JARID2: variants seen among roughly 807,000 people sequenced by gnomAD.
The protein encoded by JARID2 is protein Jumonji.
A neutral mutation model predicts 125.6 loss-of-function variants in JARID2; 21 were observed. That is an observed-to-expected ratio of 0.17 (90% CI 0.12 to 0.24). JARID2 has a LOEUF of 0.24. Ranked by LOEUF, JARID2 falls within the 10% of genes least tolerant of loss-of-function variation. The pLI is 1.00. For missense variants in JARID2, 1,303 were observed against 1,639.6 expected, an observed-to-expected ratio of 0.79 and a Z score of 3.55; for synonymous variants, 736 against 661.6, an observed-to-expected ratio of 1.11 and a Z score of -1.73.
intron 1 of JARID2, among the ~76,000 whole-genome samples, chr6:15,358,849 T>C (rs948850336): frequency 2.0e-5 from 3 of 152,206 alleles, no homozygotes; most frequent in African/African-American, 7.2e-5. Context: ...GGAGGCTGAT[T>C]TGGGAGATGG....
chr6:15,290,084 AC>A (rs1761150364), intron 1 of JARID2, among the ~76,000 whole-genome samples: 1 of 152,144 alleles, frequency 6.6e-6, no homozygotes, highest in Non-Finnish European at 1.5e-5. Context: ...TGTAATCACC[AC>A]CCAATTGAAA....
chr6:15,402,255 G>A lies in JARID2; in HGVS notation c.182-7969G>A, dbSNP rs1416954654. Among the ~76,000 whole-genome samples, 3 of 152,206 alleles carry A rather than the reference G, an allele frequency of 2.0e-5. No individual in the cohort carries two copies. The East Asian group carries it at 5.8e-4, about 29-fold the overall frequency. On this transcript the variant is annotated intron_variant, in intron 2 of 17. Transcript: ENST00000341776. ...TAACTTTATGGCACTTGTCGATCGA[G>A]TTAAAGCAGCAGCTTTGCTTATCTT... is the stretch of plus-strand genomic sequence containing the variant.
chr6:15,450,883 C>G (rs1767892318), intron 3 of JARID2, among the ~76,000 whole-genome samples: 1 of 152,006 alleles, frequency 6.6e-6, no homozygotes, highest in South Asian at 2.1e-4. Flanking sequence ...TGTGGTGGCT[C>G]ACGCCTGTAA....
chr6:15,250,578 T>C (rs1460219180), intron 1 of JARID2, among the ~76,000 whole-genome samples: 1 of 152,206 alleles, frequency 6.6e-6, no homozygotes, highest in Non-Finnish European at 1.5e-5. Context: ...AAGTCCAAAG[T>C]GTCACTAAAA....
intron 3 of JARID2, among the ~76,000 whole-genome samples, chr6:15,422,334 T>G: frequency 6.6e-6 from 1 of 152,226 alleles, no homozygotes; most frequent in Non-Finnish European, 1.5e-5. Context: ...CTTGTGCATA[T>G]TCACCTTTCC....
intron 1 of JARID2, among the ~76,000 whole-genome samples, chr6:15,359,873 G>A (rs1390481078): frequency 2.0e-5 from 3 of 152,130 alleles, no homozygotes; most frequent in Non-Finnish European, 2.9e-5. Flanking sequence ...TCTTAGTAGA[G>A]ATGGCATTTC....
intron 1 of JARID2, among the ~76,000 whole-genome samples, chr6:15,364,651 A>G (rs755388671): frequency 1.3e-5 from 2 of 152,166 alleles, no homozygotes; most frequent in Non-Finnish European, 2.9e-5. Context: ...TATCTCCCAC[A>G]GTTTTCTTGG....
chr6:15,377,157 G>A (rs1764386537), intron 2 of JARID2, among the ~76,000 whole-genome samples: 1 of 152,120 alleles, frequency 6.6e-6, no homozygotes, highest in Non-Finnish European at 1.5e-5. Flanking sequence ...GTATTAGTTT[G>A]TTTTCATACT....
chr6:15,496,595 C>G lies in JARID2; in HGVS notation c.1370C>G (p.Pro457Arg), dbSNP rs752867259. Residue 457 changes from proline to arginine, a missense_variant, in exon 7 of 18, where the codon CCC (proline) becomes CGC (arginine). Physicochemically the swap from Pro to Arg is moderately radical, Grantham distance 103. Coordinates refer to ENST00000341776, the MANE Select transcript of JARID2 (RefSeq NM_004973.4). Reference protein sequence around the residue: ...AHQAEKPQSPPKKMKGAAGPA... With the variant: ...AHQAEKPQSPRKKMKGAAGPA... ...CAGGCGGAGAAGCCGCAGTCGCCCCCCAAGAAGATGAAAGGGGCGGCTGGC... is the reference window on the plus strand; with the variant it reads ...CAGGCGGAGAAGCCGCAGTCGCCCCGCAAGAAGATGAAAGGGGCGGCTGGC... The G allele has an allele frequency of 1.1e-5, 18 of 1,603,044 alleles. 1 individual carries two copies. The highest frequency in any genetic ancestry group is 1.1e-4 in the South Asian group (10 of 90,160).
chr6:15,389,916 G>A (rs1764934624), intron 2 of JARID2, among the ~76,000 whole-genome samples: 1 of 152,180 alleles, frequency 6.6e-6, no homozygotes, highest in Non-Finnish European at 1.5e-5. Context: ...ATAGAAGTGT[G>A]TAGTGCAGCA....
chr6:15,354,204 G>A (rs1414658412), intron 1 of JARID2, among the ~76,000 whole-genome samples: 2 of 152,258 alleles, frequency 1.3e-5, no homozygotes, highest in East Asian at 3.9e-4. Flanking sequence ...AAAATGAGAC[G>A]AGAAGACAGG....
intron 1 of JARID2, among the ~76,000 whole-genome samples, chr6:15,280,630 T>C (rs1382449439): frequency 3.0e-5 from 2 of 67,210 alleles, no homozygotes; most frequent in East Asian, 1.2e-3. Flanking sequence ...CACACCCTGC[T>C]TTTTTTTTTT....
intron 3 of JARID2, among the ~76,000 whole-genome samples, chr6:15,433,709 A>G (rs1436572685): frequency 2.0e-5 from 3 of 152,078 alleles, no homozygotes; most frequent in Non-Finnish European, 4.4e-5. Flanking sequence ...ACCCACATCA[A>G]TTGCATCATA....
At chr6:15,415,141 C>A (rs1001693756) in intron 3 of JARID2, among the ~76,000 whole-genome samples, 1 of 152,202 alleles carries the variant, frequency 6.6e-6, no homozygotes, top group African/African-American at 2.4e-5. Flanking sequence ...GTAAGGTCAC[C>A]GATCAACAGG....
At chr6:15,249,016 C>G (rs762852982) in intron 1 of JARID2, 17 of 929,756 alleles carry the variant, frequency 1.8e-5, no homozygotes, top group Non-Finnish European at 2.2e-5. Context: ...GGACCCTGTT[C>G]TGATGCCACT....
At chr6:15,459,543 A>G (rs542307583) in intron 4 of JARID2, among the ~76,000 whole-genome samples, 2 of 152,284 alleles carry the variant, frequency 1.3e-5, no homozygotes, top group South Asian at 4.1e-4. Context: ...CAGAGGTCCA[A>G]CTGTACATTT....
chr6:15,517,321 C>T (rs910470947), intron 17 of JARID2, 53 bp downstream of exon 17: 1 of 1,299,912 alleles, frequency 7.7e-7, no homozygotes, highest in Non-Finnish European at 1.1e-6. Context: ...GCCTTCCCTG[C>T]TCCCGGCTGG....
Position 15,415,698 on chromosome 6 carries a change from C to T in JARID2, c.323+5333C>T, listed in dbSNP as rs953012192. On this transcript the variant is annotated intron_variant, in intron 3 of 17. Coordinates refer to ENST00000341776, the MANE Select transcript of JARID2 (RefSeq NM_004973.4). ...GGTGGCTGGCCGGGCGGGGGGCTGA[C>T]CCCCCCACCTCCTTCCCGGACGGGG... Among the ~76,000 whole-genome samples, 13 of 105,462 alleles carry T rather than the reference C, an allele frequency of 1.2e-4. No individual in the cohort carries two copies. The East Asian group carries it at 2.9e-3, about 24-fold the overall frequency. 69.2% of individuals were successfully genotyped at this position (105,462 alleles called of 152,430 possible). A position where few individuals can be genotyped will look rare whatever the true frequency, so the allele number is the denominator to read the frequency against.
In JARID2 at chr6:15,520,585, AAAGGCTTTTT is replaced by A. The variant is rs1771789006; in HGVS notation, c.*337_*346del. The A allele has an allele frequency of 3.4e-6, 1 of 292,514 alleles. No individual in the cohort carries two copies. Among genetic ancestry groups the A allele is most frequent in the Non-Finnish European group, 6.7e-6 (1 of 148,772 alleles). 18.1% of individuals were successfully genotyped at this position (292,514 alleles called of 1,614,324 possible). On this transcript the variant is annotated 3_prime_UTR_variant, in exon 18 of 18. Transcript: ENST00000341776. ...TTTTTTTTGTAACTGTTGGGGGGAA[AAAGGCTTTTT>A]AACCCATTTTTGAAGAGGGTGAAGT...
Sources: allele counts gnomAD v4.1 joint callset (sites outside exome capture counted in the v4.1 genomes callset), GRCh38; gene constraint gnomAD v4.1.1; transcripts MANE v1.5; gene names NCBI Gene and HGNC (gene_info 2026-07-23, HGNC 2026-07-21).